Variants in FOXN3 observed in about 807,000 individuals in gnomAD.
FOXN3 encodes the protein forkhead box protein N3.
FOXN3 carries 7 observed loss-of-function variants against 38.4 expected under a neutral mutation model. The observed-to-expected ratio is 0.18, with a 90% CI of 0.10 to 0.34. FOXN3 has a LOEUF of 0.34. FOXN3 is among the 10% of genes least tolerant of loss of function. The pLI is 1.00. For synonymous variants in FOXN3, 230 were observed against 242.2 expected (o/e 0.95, Z 0.47); for missense variants, 456 against 613.4 (o/e 0.74, Z 2.71).
chr14:89,408,459 G>A (rs1050793735), intron 2 of FOXN3, among the ~76,000 whole-genome samples: 1 of 151,454 alleles, frequency 6.6e-6, no homozygotes, highest in Non-Finnish European at 1.5e-5. Flanking sequence ...CATACATGTT[G>A]CCCAGGCTGG....
At chr14:89,353,460 T>C (rs1375991582) in intron 2 of FOXN3, 1 of 152,190 alleles carries the variant, frequency 6.6e-6, no homozygotes, top group Non-Finnish European at 1.5e-5. Context: ...GATCATCTAT[T>C]TGAATGCAGT....
chr14:89,205,547 C>T (rs1256949169), intron 4 of FOXN3, among the ~76,000 whole-genome samples: 1 of 152,248 alleles, frequency 6.6e-6, no homozygotes, highest in African/African-American at 2.4e-5. Context: ...AACAACACAT[C>T]GACCGACACC....
At chr14:89,592,378 A>G (rs2139927733) in intron 1 of FOXN3, among the ~76,000 whole-genome samples, 1 of 152,334 alleles carries the variant, frequency 6.6e-6, no homozygotes, top group Non-Finnish European at 1.5e-5. Context: ...TAAGTCTTCC[A>G]GTTGAAAGAT....
intron 4 of FOXN3, among the ~76,000 whole-genome samples, chr14:89,182,506 A>C (rs1166493380): frequency 1.3e-5 from 2 of 152,150 alleles, no homozygotes; most frequent in East Asian, 3.9e-4. Flanking sequence ...GAGCAGGCAG[A>C]CCCAGATCAG....
chr14:89,201,390 C>A (rs1888230630), intron 4 of FOXN3, among the ~76,000 whole-genome samples: 1 of 152,200 alleles, frequency 6.6e-6, no homozygotes, highest in South Asian at 2.1e-4. Context: ...TTGAAAATGT[C>A]CTGCTTGCTC....
chr14:89,314,176 A>C (rs922602956), intron 3 of FOXN3, among the ~76,000 whole-genome samples: 4 of 152,260 alleles, frequency 2.6e-5, no homozygotes, highest in African/African-American at 9.6e-5. Flanking sequence ...AAATGTAACA[A>C]CACAGAAGTA....
At chr14:89,326,390 A>T (rs530258924) in intron 3 of FOXN3, among the ~76,000 whole-genome samples, 2 of 152,370 alleles carry the variant, frequency 1.3e-5, no homozygotes, top group African/African-American at 4.8e-5. Context: ...TGCTTTGAGA[A>T]GGACAATGAT....
At position 89,180,779 on chromosome 14, in the gene FOXN3, G is replaced by A. The variant is rs201672702; in HGVS notation, c.773C>T (p.Ala258Val). 1.9e-5 allele frequency: 31 copies of A among 1,612,058 alleles called. No individual in the cohort carries two copies. The highest frequency in any genetic ancestry group is 1.6e-4 in the Middle Eastern group (1 of 6,074). The change falls in exon 5 of 6, where the codon GCG becomes GTG. Residue 258 changes from alanine to valine, a missense_variant. Physicochemically the swap from Ala to Val is moderately conservative, Grantham distance 64. Transcript: ENST00000557258. ...AAACAGCCCTCGGCTCAGGACCCGC[G>A]CTCCATTTTGGATCACTCCTGGAGG... ...QVPPGVIQNG[A>V]RVLSRGLFPG...
At chr14:89,389,503 G>A (rs1422868929) in intron 2 of FOXN3, among the ~76,000 whole-genome samples, 3 of 152,274 alleles carry the variant, frequency 2.0e-5, no homozygotes, top group Non-Finnish European at 2.9e-5. Context: ...GATGTGTTTA[G>A]GAGAATTACG....
At chr14:89,586,908 G>C (rs1207060456) in intron 1 of FOXN3, among the ~76,000 whole-genome samples, 1 of 152,224 alleles carries the variant, frequency 6.6e-6, no homozygotes, top group Non-Finnish European at 1.5e-5. Flanking sequence ...CAAATCAACT[G>C]TTGTCCTTGA....
intron 1 of FOXN3, among the ~76,000 whole-genome samples, chr14:89,423,606 G>A (rs1430254896): frequency 6.6e-6 from 1 of 151,838 alleles, no homozygotes; most frequent in Non-Finnish European, 1.5e-5. Flanking sequence ...TAAGAAAAGG[G>A]GCAAATTCAC....
At chr14:89,598,162 A>T (rs1373355580) in intron 1 of FOXN3, among the ~76,000 whole-genome samples, 1 of 152,170 alleles carries the variant, frequency 6.6e-6, no homozygotes, top group African/African-American at 2.4e-5. Flanking sequence ...GTACACTACA[A>T]GGAACTTAGA....
At chr14:89,222,710 C>T (rs899049806) in intron 4 of FOXN3, among the ~76,000 whole-genome samples, 1 of 152,092 alleles carries the variant, frequency 6.6e-6, no homozygotes, top group African/African-American at 2.4e-5. Context: ...GAAGGCGATG[C>T]CCAAAACTAC....
intron 1 of FOXN3, among the ~76,000 whole-genome samples, chr14:89,554,966 T>C (rs1445724519): frequency 6.6e-6 from 1 of 151,998 alleles, no homozygotes; most frequent in Non-Finnish European, 1.5e-5. Flanking sequence ...TTTTTTTGTA[T>C]TTTTAGTAGA....
intron 1 of FOXN3, among the ~76,000 whole-genome samples, chr14:89,413,756 A>G (rs534392962): frequency 4.2e-5 from 6 of 144,378 alleles, no homozygotes; most frequent in African/African-American, 1.5e-4. Context: ...AAGGGAAGGA[A>G]GAAGGGAAAG....
intron 2 of FOXN3, among the ~76,000 whole-genome samples, chr14:89,352,561 G>A (rs1474439902): frequency 6.6e-6 from 1 of 152,156 alleles, no homozygotes; most frequent in East Asian, 1.9e-4. Context: ...CCCTGGGCCA[G>A]TGGGACCTGC....
intron 5 of FOXN3, among the ~76,000 whole-genome samples, chr14:89,180,410 C>T (rs1887635595): frequency 6.6e-6 from 1 of 152,164 alleles, no homozygotes. Context: ...ATCCTGCCTT[C>T]TGTTTTCTTC....
chr14:89,582,475 C>A (rs1389874111), intron 1 of FOXN3, among the ~76,000 whole-genome samples: 1 of 145,720 alleles, frequency 6.9e-6, no homozygotes, highest in Non-Finnish European at 1.5e-5. Flanking sequence ...GGTGAGTTGA[C>A]TTTAAACTCA....
intron 2 of FOXN3, chr14:89,401,766 G>GC: frequency 2.4e-6 from 1 of 416,280 alleles, no homozygotes; most frequent in Non-Finnish European, 4.8e-6. Flanking sequence ...CCCTCGAGGA[G>GC]GACAGTCACA....
Sources: allele counts gnomAD v4.1 joint callset (sites outside exome capture counted in the v4.1 genomes callset), GRCh38; gene constraint gnomAD v4.1.1; transcripts MANE v1.5; gene names NCBI Gene and HGNC (gene_info 2026-07-23, HGNC 2026-07-21).